The following ASTN2 variants were observed in gnomAD, a reference collection of about 807,000 sequenced individuals.
ASTN2 encodes the protein astrotactin-2.
Under a neutral mutation model 139.8 loss-of-function variants are expected in ASTN2, and 54 were observed. The observed-to-expected ratio is 0.39, with a 90% CI of 0.31 to 0.48. ASTN2 has a LOEUF of 0.48. ASTN2 is among the 20% of genes least tolerant of loss of function. The pLI is 0.95. For missense variants in ASTN2, 1,565 were observed against 1,725.1 expected (o/e 0.91, Z 1.64); for synonymous variants, 756 against 719.5 (o/e 1.05, Z -0.81).
chr9:116,703,253 A>AT (rs1827895313), intron 16 of ASTN2, among the ~76,000 whole-genome samples: 2 of 150,474 alleles, frequency 1.3e-5, no homozygotes, highest in Admixed American at 1.3e-4. Context: ...TTTTTCATGT[A>AT]TTTTTTGGCT....
chr9:116,905,379 C>T (rs567200683), intron 10 of ASTN2, among the ~76,000 whole-genome samples: 19 of 152,236 alleles, frequency 1.2e-4, no homozygotes, highest in South Asian at 1.0e-3. Context: ...CTGACGAATC[C>T]GCCAAGAAAG....
At chr9:117,301,700 C>T (rs1834879475) in intron 1 of ASTN2, among the ~76,000 whole-genome samples, 1 of 152,186 alleles carries the variant, frequency 6.6e-6, no homozygotes, top group Non-Finnish European at 1.5e-5. Flanking sequence ...CACTCAGGTG[C>T]TCTGCCTATC....
intron 10 of ASTN2, among the ~76,000 whole-genome samples, chr9:116,947,834 C>T (rs1331279821): frequency 6.6e-6 from 1 of 152,208 alleles, no homozygotes. Flanking sequence ...CTGTGGGATC[C>T]TCAGGTTCCA....
chr9:116,934,815 A>G (rs1160351725), intron 10 of ASTN2, among the ~76,000 whole-genome samples: 1 of 152,168 alleles, frequency 6.6e-6, no homozygotes, highest in Non-Finnish European at 1.5e-5. Context: ...TGTCTGAGGC[A>G]TGGCACAGAC....
At chr9:116,492,435 A>G (rs574357952) in intron 19 of ASTN2, among the ~76,000 whole-genome samples, 12 of 152,254 alleles carry the variant, frequency 7.9e-5, no homozygotes, top group Admixed American at 6.5e-4. Flanking sequence ...GGACTCTTAA[A>G]GATATCTTTT....
chr9:116,512,649 A>C (rs953808953), intron 19 of ASTN2, among the ~76,000 whole-genome samples: 3 of 152,138 alleles, frequency 2.0e-5, no homozygotes, highest in African/African-American at 7.2e-5. Flanking sequence ...GTCTCTTTGT[A>C]AGTCTCTAAG....
At chr9:117,279,752 C>T (rs1834281446) in intron 2 of ASTN2, among the ~76,000 whole-genome samples, 1 of 152,170 alleles carries the variant, frequency 6.6e-6, no homozygotes, top group Non-Finnish European at 1.5e-5. Context: ...AATACCAGGA[C>T]ATTAACCATG....
Position 117,023,397 on chromosome 9 carries a change from A to G in ASTN2, c.1424-15138T>C, listed in dbSNP as rs1588489519. Among the ~76,000 whole-genome samples, 3 of 152,238 alleles carry G rather than the reference A, an allele frequency of 2.0e-5. No individual in the cohort carries two copies. The South Asian group carries it at 6.2e-4, about 32-fold the overall frequency. Reference sequence around the variant, plus strand: ...CCTGGAACACACTTTCCTCTACCACACAACTTCACATGTTCCTTTAAATGT... The same window carrying G: ...CCTGGAACACACTTTCCTCTACCACGCAACTTCACATGTTCCTTTAAATGT... On this transcript the variant is annotated intron_variant, in intron 6 of 22. Coordinates refer to ENST00000313400, the MANE Select transcript of ASTN2 (RefSeq NM_001365068.1).
intron 20 of ASTN2, among the ~76,000 whole-genome samples, chr9:116,452,762 C>T (rs1399935738): frequency 2.6e-5 from 4 of 152,198 alleles, no homozygotes; most frequent in Non-Finnish European, 1.5e-5. Context: ...AATTATTAGG[C>T]ATTCATTGGT....
chr9:117,149,051 A>T (rs1036129421), intron 3 of ASTN2, among the ~76,000 whole-genome samples: 3 of 151,012 alleles, frequency 2.0e-5, no homozygotes, highest in African/African-American at 7.3e-5. Flanking sequence ...ACGGAGTCTC[A>T]CTCCATTGCC....
intron 20 of ASTN2, among the ~76,000 whole-genome samples, chr9:116,486,992 G>A (rs1336079112): frequency 6.6e-6 from 1 of 152,080 alleles, no homozygotes; most frequent in East Asian, 1.9e-4. Context: ...TATTTAAAGA[G>A]AAGAAAGGAT....
At chr9:116,706,800 G>C (rs1588227952) in intron 16 of ASTN2, among the ~76,000 whole-genome samples, 1 of 128,844 alleles carries the variant, frequency 7.8e-6, no homozygotes, top group Non-Finnish European at 1.6e-5. Flanking sequence ...CTGCTGGCAA[G>C]CTCATGCTTT....
chr9:116,682,097 A>C (rs1206177210), intron 16 of ASTN2, among the ~76,000 whole-genome samples: 2 of 151,908 alleles, frequency 1.3e-5, no homozygotes, highest in African/African-American at 2.4e-5. Context: ...CAACCTACAA[A>C]ATGGGAGAAA....
chr9:116,553,568 T>C (rs1374709920), intron 19 of ASTN2, among the ~76,000 whole-genome samples: 2 of 152,196 alleles, frequency 1.3e-5, no homozygotes, highest in African/African-American at 4.8e-5. Flanking sequence ...TATAAGCATG[T>C]AGCTCTGAGA....
chr9:117,040,103 A>G (rs1838512003), intron 5 of ASTN2, 138 bp from the exon 6 acceptor site: 2 of 1,054,012 alleles, frequency 1.9e-6, no homozygotes, highest in East Asian at 5.5e-5. Flanking sequence ...ATGTTTTCTA[A>G]CCTTTGTGCC....
intron 6 of ASTN2, among the ~76,000 whole-genome samples, chr9:117,027,099 A>G (rs1838110825): frequency 6.6e-6 from 1 of 152,204 alleles, no homozygotes; most frequent in South Asian, 2.1e-4. Flanking sequence ...CTCGACTTAG[A>G]CTGAAAGGAC....
chr9:116,977,992 C>G (rs1836400784), intron 7 of ASTN2, among the ~76,000 whole-genome samples: 1 of 152,172 alleles, frequency 6.6e-6, no homozygotes, highest in Non-Finnish European at 1.5e-5. Flanking sequence ...GCCGGGATTA[C>G]ACGTGTGAGC....
rs1861079255 is a variant in ASTN2 at position 116,699,717 on chromosome 9, T to TATC, written c.2806+26051_2806+26053dup. ...TTCCACCCCATAGGGGATGAGAAAT[T>TATC]ATCAGTTTCTTCTGCTCCCAAGCCA... On this transcript the variant is annotated intron_variant, in intron 16 of 22. Transcript: ENST00000313400. The surrounding 1 kb of genome is among the most constrained non-coding windows in gnomAD (Gnocchi z 4.2). 1 of 1,614,046 alleles carries TATC rather than the reference T, an allele frequency of 6.2e-7. No homozygotes were observed. Among genetic ancestry groups the TATC allele is most frequent in the African/African-American group, 1.3e-5 (1 of 74,942 alleles).
intron 3 of ASTN2, among the ~76,000 whole-genome samples, chr9:117,161,031 T>C (rs1830539136): frequency 6.6e-6 from 1 of 152,062 alleles, no homozygotes; most frequent in Admixed American, 6.6e-5. Context: ...CTGTGAAATT[T>C]TGGCAGATCT....
Sources: allele counts gnomAD v4.1 joint callset (sites outside exome capture counted in the v4.1 genomes callset), GRCh38; gene constraint gnomAD v4.1.1; non-coding constraint Gnocchi (gnomAD v3.1); transcripts MANE v1.5; gene names NCBI Gene and HGNC (gene_info 2026-07-23, HGNC 2026-07-21).